The following PLEK2 variants were observed in gnomAD, a reference collection of about 807,000 sequenced individuals.
The protein encoded by PLEK2 is pleckstrin 2.
A neutral mutation model predicts 43.8 loss-of-function variants in PLEK2; 29 were observed. That is an observed-to-expected ratio of 0.66 (90% CI 0.49 to 0.90). The LOEUF is 0.90. Ranked by LOEUF, PLEK2 falls within the 40% of genes least tolerant of loss-of-function variation. The pLI is 0.00. For missense variants in PLEK2, 398 were observed against 448.1 expected, an observed-to-expected ratio of 0.89 and a Z score of 1.01; for synonymous variants, 162 against 173.2, an observed-to-expected ratio of 0.94 and a Z score of 0.51.
chr14:67,390,820 T>C (rs1009416405), intron 6 of PLEK2, 74 bp from the exon 7 acceptor site: 6 of 1,056,474 alleles, frequency 5.7e-6, no homozygotes, highest in African/African-American at 1.6e-5. Context: ...ATGCATGTAA[T>C]GCCAAACCCC....
chr14:67,387,804 T>C (rs1431621491), intron 8 of PLEK2, among the ~76,000 whole-genome samples: 1 of 152,250 alleles, frequency 6.6e-6, no homozygotes. Flanking sequence ...ATTTGGAGTT[T>C]GATCTCAAAT....
intron 3 of PLEK2, among the ~76,000 whole-genome samples, chr14:67,394,006 G>T (rs1399142033): frequency 6.6e-6 from 1 of 152,134 alleles, no homozygotes; most frequent in East Asian, 1.9e-4. Context: ...ATGCCTCTTT[G>T]TGAGAAACTG....
chr14:67,410,320 C>T (rs1447986253), intron 1 of PLEK2, among the ~76,000 whole-genome samples: 1 of 152,104 alleles, frequency 6.6e-6, no homozygotes, highest in Non-Finnish European at 1.5e-5. Context: ...AACTTCATCC[C>T]TCCACAGGCT....
chr14:67,390,250 A>C (rs1043913714), intron 7 of PLEK2, among the ~76,000 whole-genome samples: 1 of 152,242 alleles, frequency 6.6e-6, no homozygotes, highest in Non-Finnish European at 1.5e-5. Flanking sequence ...GAAACTTTTC[A>C]AAACATAGGT....
At chr14:67,400,755 A>G (rs965665085) in intron 1 of PLEK2, among the ~76,000 whole-genome samples, 1 of 152,162 alleles carries the variant, frequency 6.6e-6, no homozygotes, top group Non-Finnish European at 1.5e-5. Context: ...CGGGAGGCCA[A>G]GGTAGGAGGA....
rs1458952662 is a variant in PLEK2, at chr14:67,395,295, AG to A, written c.389+106del. 5.3e-6 allele frequency: 5 copies of A among 941,550 alleles called. No individual in the cohort carries two copies. The East Asian group carries it at 1.2e-4, about 23-fold the overall frequency. 58.3% of individuals were successfully genotyped at this position (941,550 alleles called of 1,614,324 possible). A position where few individuals can be genotyped will look rare whatever the true frequency, so the allele number is the denominator to read the frequency against. ...GGCCCTGAAGCACCGTGGTGGCACC[AG>A]CCAGACTGTGCAGCAAGCACAGAGC... On this transcript the variant is annotated intron_variant, in intron 3 of 8. Transcript: ENST00000216446.
At chr14:67,395,712 A>G (rs1213255277) in intron 2 of PLEK2, 129 bp from the exon 3 acceptor site, 2 of 666,256 alleles carry the variant, frequency 3.0e-6, no homozygotes, top group Non-Finnish European at 5.2e-6. Context: ...CCTCGGCCAC[A>G]TAGCAGGTAG....
At chr14:67,389,582 ATATATATG>A (rs1486744347) in intron 7 of PLEK2, among the ~76,000 whole-genome samples, 1 of 152,096 alleles carries the variant, frequency 6.6e-6, no homozygotes, top group Non-Finnish European at 1.5e-5. Flanking sequence ...GCATGTGTAC[ATATATATG>A]TATATATGTA....
chr14:67,401,291 A>T (rs1405302544), intron 1 of PLEK2, among the ~76,000 whole-genome samples: 1 of 152,112 alleles, frequency 6.6e-6, no homozygotes, highest in African/African-American at 2.4e-5. Context: ...GTTTGAGGCC[A>T]GCCTCAGCAA....
chr14:67,408,311 AAATAAAATAAAATAAAAT>A (rs1219660898), intron 1 of PLEK2, among the ~76,000 whole-genome samples: 2 of 123,048 alleles, frequency 1.6e-5, no homozygotes, highest in Admixed American at 8.3e-5. Context: ...AAATAAAATA[AAATAAAATAAAATAAAAT>A]AAAATAAAAT....
At position 67,395,430 on chromosome 14, in the gene PLEK2, A is replaced by G; in HGVS notation, c.361T>C (p.Phe121Leu). Residue 121 changes from phenylalanine to leucine, a missense_variant, in exon 3 of 9, where the codon TTC becomes CTC. By Grantham distance (22) the Phe-to-Leu change is conservative. Transcript: ENST00000216446. ...AGGCTGATGTGCGGGGGCAGCTTGA[A>G]GGAGTTTCTCAGGCTGTGCAGCTGC... ...VQQLHSLRNS[F>L]KLPPHISLHR... The G allele has an allele frequency of 6.2e-7, 1 of 1,613,976 alleles. No homozygotes were observed.
chr14:67,408,932 A>G (rs1327963335), intron 1 of PLEK2, among the ~76,000 whole-genome samples: 1 of 152,204 alleles, frequency 6.6e-6, no homozygotes, highest in East Asian at 1.9e-4. Flanking sequence ...CGCCACATAA[A>G]TGATCCTTTA....
intron 1 of PLEK2, among the ~76,000 whole-genome samples, chr14:67,409,392 TA>T (rs1188008163): frequency 1.3e-5 from 2 of 151,960 alleles, no homozygotes; most frequent in Non-Finnish European, 2.9e-5. Context: ...AAATACAAAA[TA>T]AAATAAAAAT....
chr14:67,390,138 T>TA (rs2139839575), intron 7 of PLEK2, among the ~76,000 whole-genome samples: 1 of 152,380 alleles, frequency 6.6e-6, no homozygotes, highest in African/African-American at 2.4e-5. Context: ...CATGTGGTAA[T>TA]ACCTAGTATC....
At chr14:67,392,922 A>C in intron 4 of PLEK2, 73 bp from the exon 5 acceptor site, 11 of 1,297,664 alleles carry the variant, frequency 8.5e-6, no homozygotes, top group South Asian at 1.4e-5. Flanking sequence ...CAATGACCTC[A>C]CTGACCTTGG....
intron 3 of PLEK2, among the ~76,000 whole-genome samples, chr14:67,393,747 C>A (rs2139850335): frequency 6.6e-6 from 1 of 152,224 alleles, no homozygotes; most frequent in East Asian, 1.9e-4. Context: ...AGCCACCGTG[C>A]CTGGCCTGAT....
Position 67,390,774 on chromosome 14 carries a change from A to G in PLEK2, c.772-28T>C, listed in dbSNP as rs748069862. 8.9e-6 allele frequency: 13 copies of G among 1,464,212 alleles called. No individual in the cohort carries two copies. In the South Asian group the frequency reaches 1.4e-4, roughly 15 times the overall value. 90.7% of individuals were successfully genotyped at this position (1,464,212 alleles called of 1,614,324 possible). On this transcript the variant is annotated intron_variant, in intron 6 of 8. Coordinates refer to ENST00000216446, the MANE Select transcript of PLEK2 (RefSeq NM_016445.3). ...GAGGCAAAGAAATGGTTCAAAGCTC[A>G]TTGGTGACAGCTGCATGTCCCTCTC...
chr14:67,400,394 C>T (rs951869445), intron 1 of PLEK2, among the ~76,000 whole-genome samples: 3 of 152,208 alleles, frequency 2.0e-5, no homozygotes, highest in Non-Finnish European at 4.4e-5. Context: ...GAGAGTTTTA[C>T]CTGACACAAG....
intron 3 of PLEK2, among the ~76,000 whole-genome samples, chr14:67,394,891 T>C (rs536494389): frequency 3.9e-5 from 6 of 152,130 alleles, no homozygotes; most frequent in Non-Finnish European, 7.4e-5. Context: ...CATGTTAGCA[T>C]GCTCAGCCCC....
Sources: allele counts gnomAD v4.1 joint callset (sites outside exome capture counted in the v4.1 genomes callset), GRCh38; gene constraint gnomAD v4.1.1; transcripts MANE v1.5; gene names NCBI Gene and HGNC (gene_info 2026-07-23, HGNC 2026-07-21).